Variants in RBMS3 observed in about 807,000 individuals in gnomAD.
RBMS3 encodes the protein RNA binding motif single stranded interacting protein 3, also known as RNA-binding motif, single-stranded-interacting protein 3.
RBMS3 carries 27 observed loss-of-function variants against 66.8 expected under a neutral mutation model. The observed-to-expected ratio is 0.40, with a 90% confidence interval of 0.30 to 0.56. The LOEUF is 0.56. Among genes scored for constraint, RBMS3 ranks in the 20% least tolerant of loss-of-function variants. The pLI, the probability that RBMS3 is intolerant of heterozygous loss-of-function variation, is 0.40. For synonymous variants in RBMS3, 188 were observed against 183.0 expected (o/e 1.03, Z -0.22); for missense variants, 513 against 549.5 (o/e 0.93, Z 0.66).
intron 6 of RBMS3, among the ~76,000 whole-genome samples, chr3:29,782,679 C>T (rs1469346316): frequency 6.6e-6 from 1 of 152,072 alleles, no homozygotes; most frequent in Non-Finnish European, 1.5e-5. Context: ...CAAAACAAGA[C>T]AAAATCTCTG....
intron 4 of RBMS3, among the ~76,000 whole-genome samples, chr3:29,635,811 A>T (rs773405968): frequency 9.2e-5 from 14 of 151,812 alleles, no homozygotes; most frequent in Non-Finnish European, 1.9e-4. Flanking sequence ...ATCCTAATTA[A>T]CTGTACTTCT....
At position 29,482,685 on chromosome 3, in the gene RBMS3, TTTTC is replaced by T. The variant is rs763917777; in HGVS notation, c.249-5740_249-5737del. On this transcript the variant is annotated intron_variant, in intron 2 of 14. Coordinates refer to ENST00000383767, the MANE Select transcript of RBMS3 (RefSeq NM_001003793.3). ...CTCTGAAAAAGTACACAGTCTACCA[TTTTC>T]TTTCTTTCTTTCTTTTTTTTTTTTT... Among the ~76,000 whole-genome samples, 1,091 of 129,774 alleles carry T rather than the reference TTTTC, an allele frequency of 8.4e-3. 22 individuals carry two copies. Among genetic ancestry groups the T allele is most frequent in the South Asian group, 0.014 (57 of 3,984 alleles). 85.1% of individuals were successfully genotyped at this position (129,774 alleles called of 152,430 possible).
At chr3:29,928,604 C>A (rs1255140676) in intron 10 of RBMS3, among the ~76,000 whole-genome samples, 1 of 152,068 alleles carries the variant, frequency 6.6e-6, no homozygotes, top group Non-Finnish European at 1.5e-5. Context: ...CAAATAGTCT[C>A]ATTTTTTCAC....
intron 3 of RBMS3, among the ~76,000 whole-genome samples, chr3:29,514,265 G>A (rs187241717): frequency 5.3e-5 from 8 of 152,044 alleles, no homozygotes; most frequent in African/African-American, 9.6e-5. Flanking sequence ...CCCTATATTC[G>A]TCTCTGGGGA....
Position 29,832,851 on chromosome 3 carries a change from G to C in RBMS3, c.638-36007G>C, listed in dbSNP as rs560511873. Among the ~76,000 whole-genome samples, 3 of 152,234 alleles carry C rather than the reference G, an allele frequency of 2.0e-5. No individual in the cohort carries two copies. In the South Asian group the frequency reaches 6.2e-4, roughly 32 times the overall value. ...CTCAACTAGCTCATGGGCACCACAA[G>C]TGTGCCATGCACCTCAAGCCCCCTC... On this transcript the variant is annotated intron_variant, in intron 6 of 14. Transcript: ENST00000383767.
At chr3:29,829,760 C>A (rs764304451) in intron 6 of RBMS3, among the ~76,000 whole-genome samples, 94 of 152,078 alleles carry the variant, frequency 6.2e-4, no homozygotes, top group Non-Finnish European at 5.9e-4. Flanking sequence ...GGCAATAAGT[C>A]AGAATGCAGG....
At chr3:29,917,573 A>G (rs2060669466) in intron 10 of RBMS3, among the ~76,000 whole-genome samples, 2 of 152,030 alleles carry the variant, frequency 1.3e-5, no homozygotes, top group African/African-American at 2.4e-5. Context: ...CATACATTCT[A>G]TTAAAGAAAG....
At chr3:29,431,518 C>A (rs1335524321) in intron 1 of RBMS3, among the ~76,000 whole-genome samples, 1 of 151,802 alleles carries the variant, frequency 6.6e-6, no homozygotes. Flanking sequence ...GTCTTGATCT[C>A]CCGACCTTGT....
At chr3:29,887,045 T>G (rs1048026572) in intron 8 of RBMS3, among the ~76,000 whole-genome samples, 2 of 151,812 alleles carry the variant, frequency 1.3e-5, no homozygotes, top group African/African-American at 4.8e-5. Context: ...TTAAAAGTAT[T>G]TTATTACTTA....
intron 1 of RBMS3, among the ~76,000 whole-genome samples, chr3:29,320,936 T>TAAA (rs527826804): frequency 1.7e-3 from 240 of 144,622 alleles, no homozygotes; most frequent in African/African-American, 5.7e-3. Flanking sequence ...TTTGTGAATG[T>TAAA]AAAAAAAAAA....
chr3:29,953,660 T>C (rs887697758), intron 12 of RBMS3, among the ~76,000 whole-genome samples: 1 of 151,948 alleles, frequency 6.6e-6, no homozygotes, highest in African/African-American at 2.4e-5. Context: ...CTGTTCTTAG[T>C]GCTCTACGTG....
intron 2 of RBMS3, among the ~76,000 whole-genome samples, chr3:29,478,571 T>A (rs2043028751): frequency 6.6e-6 from 1 of 152,192 alleles, no homozygotes; most frequent in Non-Finnish European, 1.5e-5. Context: ...ATTCATACTG[T>A]AGCACCAAGA....
chr3:29,717,562 A>G (rs1038348671), intron 4 of RBMS3, among the ~76,000 whole-genome samples: 2 of 152,154 alleles, frequency 1.3e-5, no homozygotes, highest in African/African-American at 4.8e-5. Flanking sequence ...ATGAATTGGT[A>G]TCTTTTAAAC....
chr3:29,990,982 C>A (rs1207383771), intron 13 of RBMS3, 100 bp from the exon 14 acceptor site: 1 of 1,158,878 alleles, frequency 8.6e-7, no homozygotes. Context: ...CTGAGGGTAT[C>A]TCTACTTAAG....
intron 10 of RBMS3, among the ~76,000 whole-genome samples, chr3:29,911,716 G>T (rs538161929): frequency 1.3e-5 from 2 of 152,058 alleles, no homozygotes; most frequent in East Asian, 1.9e-4. Context: ...CAAATGCTTC[G>T]TTGCTAAGTT....
At chr3:29,480,783 G>A (rs963847546) in intron 2 of RBMS3, among the ~76,000 whole-genome samples, 1 of 152,224 alleles carries the variant, frequency 6.6e-6, no homozygotes, top group Non-Finnish European at 1.5e-5. Flanking sequence ...ATTTGCACAT[G>A]TTTAAGGGCA....
chr3:29,288,065 T>C (rs1013525116), intron 1 of RBMS3, among the ~76,000 whole-genome samples: 11 of 152,000 alleles, frequency 7.2e-5, no homozygotes, highest in Non-Finnish European at 1.2e-4. Flanking sequence ...CTAATAAATA[T>C]CAAATTTCAA....
chr3:29,731,125 A>G (rs2054114392), intron 4 of RBMS3: 2 of 669,920 alleles, frequency 3.0e-6, no homozygotes, highest in Non-Finnish European at 3.7e-6. Flanking sequence ...GCCTTAAAGA[A>G]TAGCCTAAAT....
intron 4 of RBMS3, among the ~76,000 whole-genome samples, chr3:29,724,084 G>A (rs1018526335): frequency 6.6e-6 from 1 of 151,640 alleles, no homozygotes; most frequent in Non-Finnish European, 1.5e-5. Flanking sequence ...ACAAATGATA[G>A]GAACAGTGTT....
Sources: gnomAD v4.1 joint callset for allele counts (sites outside exome capture counted in the v4.1 genomes callset) on GRCh38, gnomAD v4.1.1 for gene constraint, MANE v1.5 for transcripts, NCBI Gene and HGNC (gene_info 2026-07-23, HGNC 2026-07-21) for gene names.